Variants in MARCHF8 observed in about 807,000 individuals in gnomAD.
MARCHF8 encodes membrane associated ring-CH-type finger 8, also known as E3 ubiquitin-protein ligase MARCHF8.
In MARCHF8, 40 loss-of-function variants were observed where a neutral mutation model predicts 51.6. That is an observed-to-expected ratio of 0.77 (90% CI 0.60 to 1.01). The LOEUF (loss-of-function observed/expected upper bound fraction) is 1.01. Ranked by LOEUF, MARCHF8 falls within the 50% of genes least tolerant of loss-of-function variation. The pLI is 0.00. For synonymous variants in MARCHF8, 263 were observed against 280.3 expected, an observed-to-expected ratio of 0.94 and a Z score of 0.62; for missense variants, 685 against 708.6, an observed-to-expected ratio of 0.97 and a Z score of 0.38.
At chr10:45,555,137 G>C (rs1218360681) in intron 1 of MARCHF8, among the ~76,000 whole-genome samples, 1 of 152,176 alleles carries the variant, frequency 6.6e-6, no homozygotes, top group African/African-American at 2.4e-5. Flanking sequence ...GCCAAGGGAA[G>C]AGAATCGCTT....
At chr10:45,461,009 G>T in intron 6 of MARCHF8, 1 of 395,670 alleles carries the variant, frequency 2.5e-6, no homozygotes, top group Non-Finnish European at 4.5e-6. Context: ...TTACTTTGAA[G>T]GGAAAAGAAG....
At chr10:45,496,682 T>C (rs1037396902) in intron 2 of MARCHF8, among the ~76,000 whole-genome samples, 1 of 152,058 alleles carries the variant, frequency 6.6e-6, no homozygotes, top group Non-Finnish European at 1.5e-5. Context: ...TAAACAATAA[T>C]TAGTAAAGAA....
At chr10:45,525,176 C>T (rs930686017) in intron 2 of MARCHF8, among the ~76,000 whole-genome samples, 3 of 152,090 alleles carry the variant, frequency 2.0e-5, no homozygotes, top group Non-Finnish European at 4.4e-5. Context: ...TCTATCAATA[C>T]TCATGTGTTT....
Position 45,458,211 on chromosome 10 carries a change from G to A in MARCHF8, c.*28C>T, listed in dbSNP as rs1842666394. On this transcript the variant is annotated 3_prime_UTR_variant, in exon 8 of 8. Coordinates refer to ENST00000453424, the MANE Select transcript of MARCHF8 (RefSeq NM_001282866.2). ...CAATTTCCTTCAGCTCTTCATGGAT[G>A]TCCAGGAAAATGACAACCCGCACAC... 6.3e-7 allele frequency: 1 copy of A among 1,581,418 alleles called. No homozygotes were observed. Among genetic ancestry groups the A allele is most frequent in the African/African-American group, 1.4e-5 (1 of 73,768 alleles).
intron 1 of MARCHF8, among the ~76,000 whole-genome samples, chr10:45,584,481 CTGACAATATTAAG>C (rs2044595862): frequency 1.3e-5 from 2 of 152,016 alleles, no homozygotes. Flanking sequence ...GCCTAAATAT[CTGACAATATTAAG>C]TGACAATATT....
chr10:45,575,943 T>C, intron 1 of MARCHF8, among the ~76,000 whole-genome samples: 1 of 152,168 alleles, frequency 6.6e-6, no homozygotes, highest in East Asian at 1.9e-4. Flanking sequence ...TTCCTTTACC[T>C]ACCCAAATCC....
chr10:45,545,485 A>C (rs2044108711), intron 1 of MARCHF8, among the ~76,000 whole-genome samples: 1 of 152,238 alleles, frequency 6.6e-6, no homozygotes, highest in Admixed American at 6.5e-5. Context: ...GAAGAAACCC[A>C]CTGATCTTTA....
At chr10:45,562,972 A>G (rs1232477817) in intron 1 of MARCHF8, among the ~76,000 whole-genome samples, 1 of 151,468 alleles carries the variant, frequency 6.6e-6, no homozygotes, top group African/African-American at 2.4e-5. Context: ...CCAAACATAG[A>G]TGAGGGATGC....
chr10:45,569,980 AAC>A (rs2044410987), intron 1 of MARCHF8, among the ~76,000 whole-genome samples: 2 of 152,200 alleles, frequency 1.3e-5, no homozygotes, highest in African/African-American at 4.8e-5. Context: ...TGAAAAGCAC[AAC>A]ACTTTCCACA....
intron 2 of MARCHF8, among the ~76,000 whole-genome samples, chr10:45,529,407 C>T (rs563619596): frequency 6.6e-6 from 1 of 152,228 alleles, no homozygotes; most frequent in South Asian, 2.1e-4. Flanking sequence ...TGGACATTGG[C>T]CTAAGGCAAA....
chr10:45,530,678 C>A (rs1295117352), intron 2 of MARCHF8, among the ~76,000 whole-genome samples: 3 of 152,064 alleles, frequency 2.0e-5, no homozygotes, highest in Admixed American at 1.3e-4. Context: ...GAGGTTGAGG[C>A]AGGAGGATCA....
rs571733808 is a variant in MARCHF8 at position 45,545,443 on chromosome 10, T to C, written c.-78-12154A>G. 2.0e-5 allele frequency among the ~76,000 whole-genome samples: 3 copies of C among 152,344 alleles called. No homozygotes were observed. In the South Asian group the frequency reaches 6.2e-4, roughly 32 times the overall value. On this transcript the variant is annotated intron_variant, in intron 1 of 6. Transcript: ENST00000319836. ...TTGGAAAAACTAACAAAAATTCATG[T>C]TTGTCAACCTGGTACAATTCATTTC...
intron 1 of MARCHF8, among the ~76,000 whole-genome samples, chr10:45,568,999 A>G (rs1287210355): frequency 4.9e-5 from 7 of 141,564 alleles, no homozygotes; most frequent in Admixed American, 1.5e-4. Context: ...CGGGAGGCGG[A>G]GCTTGCAGTG....
chr10:45,578,621 T>C (rs1433586541), intron 1 of MARCHF8, among the ~76,000 whole-genome samples: 1 of 152,174 alleles, frequency 6.6e-6, no homozygotes, highest in African/African-American at 2.4e-5. Flanking sequence ...CAACAAATAT[T>C]AACTTCAAAG....
intron 2 of MARCHF8, among the ~76,000 whole-genome samples, chr10:45,504,078 A>G (rs1220076870): frequency 6.6e-6 from 1 of 152,174 alleles, no homozygotes; most frequent in Non-Finnish European, 1.5e-5. Flanking sequence ...TTATGAATAC[A>G]CTAAAAATCT....
At chr10:45,535,744 C>T (rs1337845280), upstream of MARCHF8, among the ~76,000 whole-genome samples, 2 of 152,170 alleles carry the variant, frequency 1.3e-5, no homozygotes, top group Non-Finnish European at 2.9e-5. Flanking sequence ...TTCCAAACAT[C>T]TTTTATATCA....
At chr10:45,465,092 A>T (rs1234447278) in intron 3 of MARCHF8, among the ~76,000 whole-genome samples, 1 of 152,160 alleles carries the variant, frequency 6.6e-6, no homozygotes, top group Non-Finnish European at 1.5e-5. Flanking sequence ...TGCAGTGAGG[A>T]GAGAAATGGA....
At chr10:45,541,559 T>TA (rs2044052996) in intron 1 of MARCHF8, among the ~76,000 whole-genome samples, 1 of 151,954 alleles carries the variant, frequency 6.6e-6, no homozygotes, top group South Asian at 2.1e-4. Context: ...CCCTAAAACT[T>TA]AAAGTATAAT....
chr10:45,514,731 A>G (rs1433945397), intron 2 of MARCHF8, among the ~76,000 whole-genome samples: 2 of 152,244 alleles, frequency 1.3e-5, no homozygotes, highest in African/African-American at 4.8e-5. Flanking sequence ...CAATGACAGT[A>G]AATGTTACAG....
Sources: gnomAD v4.1 joint callset for allele counts (sites outside exome capture counted in the v4.1 genomes callset) on GRCh38, gnomAD v4.1.1 for gene constraint, MANE v1.5 for transcripts, NCBI Gene and HGNC (gene_info 2026-07-23, HGNC 2026-07-21) for gene names.